Variants in SOS2 observed in about 807,000 individuals in gnomAD.
The protein encoded by SOS2 is SOS Ras/Rho guanine nucleotide exchange factor 2.
A neutral mutation model predicts 148.2 loss-of-function variants in SOS2; 65 were observed. That is an observed-to-expected ratio of 0.44 (90% CI 0.36 to 0.54). The LOEUF (loss-of-function observed/expected upper bound fraction) is 0.54. SOS2 is among the 20% of genes least tolerant of loss of function. The probability of loss-of-function intolerance (pLI) is 0.00; values close to 1 mark genes in which losing one functional copy is unlikely to be tolerated. For missense variants in SOS2, 1,341 were observed against 1,590.2 expected, an observed-to-expected ratio of 0.84 and a Z score of 2.67; for synonymous variants, 539 against 537.1, an observed-to-expected ratio of 1.00 and a Z score of -0.05.
intron 1 of SOS2, among the ~76,000 whole-genome samples, chr14:50,211,027 T>C (rs1886852337): frequency 2.5e-5 from 1 of 40,194 alleles, no homozygotes; most frequent in Non-Finnish European, 5.6e-5. Context: ...GCAATTCCAC[T>C]ATAGGATATA....
At chr14:50,178,448 A>G (rs898744428) in intron 7 of SOS2, among the ~76,000 whole-genome samples, 2 of 151,158 alleles carry the variant, frequency 1.3e-5, no homozygotes, top group African/African-American at 4.9e-5. Context: ...TTTATAAATC[A>G]CCCAGTCTCA....
chr14:50,199,356 G>C (rs1013080614), intron 4 of SOS2, among the ~76,000 whole-genome samples: 27 of 151,748 alleles, frequency 1.8e-4, no homozygotes, highest in African/African-American at 6.3e-4. Context: ...ACCAAAGTAG[G>C]GTCTTCAAAA....
At chr14:50,160,225 GC>G in intron 9 of SOS2, 139 bp from the exon 10 acceptor site, 2 of 653,192 alleles carry the variant, frequency 3.1e-6, no homozygotes, top group Non-Finnish European at 5.1e-6. Context: ...TTCTAACTTT[GC>G]CACTAAATAA....
At chr14:50,225,873 G>T (rs1308479544) in intron 1 of SOS2, among the ~76,000 whole-genome samples, 4 of 152,160 alleles carry the variant, frequency 2.6e-5, no homozygotes, top group African/African-American at 7.2e-5. Context: ...TGTACCTACA[G>T]TCTACCATAC....
rs369526899 is a variant in SOS2, at chr14:50,150,241, A to G, written c.2162-11T>C. The stretch of plus-strand genomic sequence containing the variant: ...TTTTCATAGCTTTCCCTGGAAAAAG[A>G]ACACATAAAGAAAAATGTCTTTTAC... On this transcript the variant is annotated splice_polypyrimidine_tract_variant and intron_variant, in intron 13 of 22. Coordinates refer to ENST00000216373, the MANE Select transcript of SOS2 (RefSeq NM_006939.4). The G allele has an allele frequency of 6.1e-5, 93 of 1,525,974 alleles. No individual in the cohort carries two copies. The highest frequency in any genetic ancestry group is 7.9e-5 in the Non-Finnish European group (87 of 1,100,548). The allele number at this position is 1,525,974 out of a possible 1,614,324, so 94.5% of individuals were successfully genotyped here.
intron 9 of SOS2, 67 bp downstream of exon 9, chr14:50,161,415 T>C (rs550198249): frequency 8.3e-6 from 11 of 1,320,532 alleles, no homozygotes; most frequent in African/African-American, 1.5e-5. Flanking sequence ...CACACTTCTT[T>C]GAAAACCAGG....
chr14:50,152,136 T>C (rs1416833529), intron 13 of SOS2, among the ~76,000 whole-genome samples: 2 of 152,208 alleles, frequency 1.3e-5, no homozygotes, highest in African/African-American at 4.8e-5. Flanking sequence ...CTTTAAATAA[T>C]ATTCCCCTTA....
chr14:50,162,573 G>A (rs1480240535), intron 8 of SOS2, among the ~76,000 whole-genome samples: 1 of 152,130 alleles, frequency 6.6e-6, no homozygotes, highest in Admixed American at 6.6e-5. Context: ...CTTTGTTTTA[G>A]CAATTTCAAG....
intron 10 of SOS2, 140 bp downstream of exon 10, chr14:50,159,287 CTTAT>C: frequency 1.9e-6 from 1 of 533,704 alleles, no homozygotes; most frequent in Non-Finnish European, 3.3e-6. Context: ...AATTCCTTCT[CTTAT>C]TTATTCCTTT....
At chr14:50,130,371 T>C in intron 20 of SOS2, 130 bp downstream of exon 20, 1 of 738,280 alleles carries the variant, frequency 1.4e-6, no homozygotes, top group Non-Finnish European at 2.2e-6. Context: ...ATCATTATTT[T>C]CACATTTAGA....
chr14:50,161,657 C>T (rs769066806), intron 8 of SOS2, 48 bp from the exon 9 acceptor site: 2 of 1,567,390 alleles, frequency 1.3e-6, no homozygotes, highest in Non-Finnish European at 1.7e-6. Flanking sequence ...TTTGATTCTT[C>T]CCCCAACTTT....
chr14:50,220,652 T>C (rs1887177410), intron 1 of SOS2, among the ~76,000 whole-genome samples: 1 of 152,140 alleles, frequency 6.6e-6, no homozygotes, highest in African/African-American at 2.4e-5. Context: ...CCACTGTCCA[T>C]TAATAATTCT....
intron 8 of SOS2, among the ~76,000 whole-genome samples, chr14:50,162,995 G>A (rs1389880880): frequency 6.7e-6 from 1 of 149,406 alleles, no homozygotes; most frequent in African/African-American, 2.5e-5. Flanking sequence ...TCAACCTCCT[G>A]GACTCAAGTG....
Position 50,188,598 on chromosome 14 carries a change from TTC to T in SOS2, c.611_612del (p.Arg204AsnfsTer2), listed in dbSNP as rs1331056604. ...SGELNYYDLVRTEIAEERQYL... is the reference protein window; with the variant it reads ...SGELNYYDLVXTEIAEERQYL... ...TACTGTCTTTCTTCTGCGATTTCAGTTCTGACAAGATCATAGTAGTTTAATTC... is the reference window on the plus strand; with the variant it reads ...TACTGTCTTTCTTCTGCGATTTCAGTTGACAAGATCATAGTAGTTTAATTC... On this transcript the variant is annotated frameshift_variant, in exon 5 of 23. Transcript: ENST00000216373. LOFTEE classifies it high-confidence loss of function. The T allele has an allele frequency of 4.4e-6, 7 of 1,609,038 alleles. No homozygotes were observed. Among genetic ancestry groups the T allele is most frequent in the Non-Finnish European group, 8.5e-7 (1 of 1,177,710 alleles).
intron 8 of SOS2, among the ~76,000 whole-genome samples, chr14:50,169,365 T>C (rs1885284545): frequency 1.4e-5 from 2 of 147,766 alleles, no homozygotes; most frequent in Admixed American, 1.4e-4. Context: ...CCAGGCACAG[T>C]GGCTCACACC....
intron 1 of SOS2, among the ~76,000 whole-genome samples, chr14:50,228,450 T>A (rs1887446499): frequency 6.6e-6 from 1 of 152,178 alleles, no homozygotes; most frequent in African/African-American, 2.4e-5. Context: ...GTCTTAATAT[T>A]CCCTTATTAA....
chr14:50,212,531 A>C (rs1886909601), intron 1 of SOS2, among the ~76,000 whole-genome samples: 1 of 152,252 alleles, frequency 6.6e-6, no homozygotes, highest in Non-Finnish European at 1.5e-5. Context: ...TTGGAGAGTT[A>C]TCCTGAGAAA....
chr14:50,127,840 A>C (rs1416113452), intron 21 of SOS2, among the ~76,000 whole-genome samples: 1 of 152,248 alleles, frequency 6.6e-6, no homozygotes, highest in Non-Finnish European at 1.5e-5. Flanking sequence ...TGTACTGAGT[A>C]AGTAAATGAA....
At chr14:50,229,825 C>T (rs1887487283) in intron 1 of SOS2, among the ~76,000 whole-genome samples, 1 of 152,240 alleles carries the variant, frequency 6.6e-6, no homozygotes, top group Non-Finnish European at 1.5e-5. Flanking sequence ...ACTGCACTCA[C>T]ACTTGTCTGT....
Sources: gnomAD v4.1 joint callset for allele counts (sites outside exome capture counted in the v4.1 genomes callset) on GRCh38, gnomAD v4.1.1 for gene constraint, MANE v1.5 for transcripts, NCBI Gene and HGNC (gene_info 2026-07-23, HGNC 2026-07-21) for gene names.